The following GABRR1 variants were observed in gnomAD, a reference collection of about 807,000 sequenced individuals.
GABRR1 encodes the protein gamma-aminobutyric acid receptor subunit rho-1.
GABRR1 carries 59 observed loss-of-function variants against 55.5 expected under a neutral mutation model. The observed-to-expected ratio is 1.06, with a 90% confidence interval of 0.86 to 1.32. The LOEUF is 1.32. GABRR1 is among the 40% of genes most tolerant of loss of function. The pLI is 0.00. For synonymous variants in GABRR1, 213 were observed against 226.0 expected (o/e 0.94, Z 0.51); for missense variants, 602 against 619.1 (o/e 0.97, Z 0.29).
At chr6:89,190,937 T>C (rs568982853) in intron 5 of GABRR1, among the ~76,000 whole-genome samples, 1 of 152,342 alleles carries the variant, frequency 6.6e-6, no homozygotes, top group African/African-American at 2.4e-5. Flanking sequence ...TTCTTCATAG[T>C]GAAAAGCCTC....
intron 5 of GABRR1, among the ~76,000 whole-genome samples, chr6:89,196,847 G>T (rs897899870): frequency 8.2e-6 from 1 of 122,386 alleles, no homozygotes; most frequent in South Asian, 2.6e-4. Flanking sequence ...AAGAAAGAAA[G>T]AAAGAAAGAA....
intron 4 of GABRR1, 136 bp downstream of exon 4, chr6:89,199,226 A>G (rs571067962): frequency 4.0e-5 from 30 of 758,734 alleles, no homozygotes; most frequent in Middle Eastern, 3.6e-4. Flanking sequence ...TTCCTGAGCC[A>G]TCTGAAAAAG....
chr6:89,200,335 G>A (rs1420638900), intron 3 of GABRR1, among the ~76,000 whole-genome samples: 5 of 129,722 alleles, frequency 3.9e-5, no homozygotes, highest in African/African-American at 8.7e-5. Flanking sequence ...TGCAACCTCC[G>A]CCTCCTGGGG....
intron 5 of GABRR1, among the ~76,000 whole-genome samples, chr6:89,196,877 A>AAGAAAGAAAGAG (rs765264259): frequency 1.4e-5 from 2 of 144,686 alleles, no homozygotes; most frequent in African/African-American, 2.7e-5. Context: ...GAAAGAAAGA[A>AAGAAAGAAAGAG]AGAGAAGAGA....
At chr6:89,179,509 T>C (rs753032328) in intron 9 of GABRR1, among the ~76,000 whole-genome samples, 1 of 152,186 alleles carries the variant, frequency 6.6e-6, no homozygotes, top group African/African-American at 2.4e-5. Flanking sequence ...CGTGAGCCAC[T>C]GTGCCCAGCC....
intron 3 of GABRR1, among the ~76,000 whole-genome samples, chr6:89,200,558 G>A (rs760402345): frequency 6.7e-5 from 10 of 149,524 alleles, no homozygotes; most frequent in South Asian, 2.1e-4. Flanking sequence ...CACCATGCCC[G>A]GCCGAGAATG....
intron 5 of GABRR1, among the ~76,000 whole-genome samples, chr6:89,193,935 T>C (rs1772181075): frequency 6.6e-6 from 1 of 152,142 alleles, no homozygotes; most frequent in Non-Finnish European, 1.5e-5. Flanking sequence ...TGCCACCAAA[T>C]GCATGGAAAA....
chr6:89,185,021 A>G (rs1351023629), intron 7 of GABRR1, among the ~76,000 whole-genome samples: 1 of 151,334 alleles, frequency 6.6e-6, no homozygotes, highest in Non-Finnish European at 1.5e-5. Context: ...GATAGCTGGG[A>G]CTACAGGCGT....
intron 1 of GABRR1, among the ~76,000 whole-genome samples, chr6:89,216,064 T>C (rs895330895): frequency 2.6e-5 from 4 of 152,208 alleles, no homozygotes; most frequent in Non-Finnish European, 4.4e-5. Context: ...CTGACTCTGA[T>C]GGTAATAGGG....
At chr6:89,184,885 C>CTTTCTTTT (rs776768704) in intron 7 of GABRR1, among the ~76,000 whole-genome samples, 38 of 123,712 alleles carry the variant, frequency 3.1e-4, no homozygotes, top group Non-Finnish European at 5.3e-4. Flanking sequence ...TCTTTTCTTT[C>CTTTCTTTT]TTTTTTTTTT....
chr6:89,180,634 T>C, intron 8 of GABRR1, 146 bp from the exon 9 acceptor site: 4 of 991,288 alleles, frequency 4.0e-6, no homozygotes, highest in Non-Finnish European at 5.9e-6. Context: ...CACCTACACA[T>C]CTTTCAAGAT....
chr6:89,213,984 A>G (rs73493535), intron 1 of GABRR1, among the ~76,000 whole-genome samples: 72,824 of 122,564 alleles, frequency 0.59, 19,323 homozygotes, highest in Non-Finnish European at 0.63. Context: ...CATTAGTTCT[A>G]ACAGTTTTCT....
At chr6:89,205,552 C>T (rs1015903822) in intron 1 of GABRR1, 27 of 152,212 alleles carry the variant, frequency 1.8e-4, no homozygotes, top group African/African-American at 6.5e-4. Context: ...ACCTACAAGA[C>T]TTCTTCTTGA....
intron 6 of GABRR1, among the ~76,000 whole-genome samples, chr6:89,188,782 AT>A (rs1435697382): frequency 1.3e-5 from 2 of 151,844 alleles, no homozygotes; most frequent in African/African-American, 4.8e-5. Context: ...CAATTTGCGT[AT>A]TTTTTTCTTT....
intron 1 of GABRR1, among the ~76,000 whole-genome samples, chr6:89,206,865 G>A (rs764030946): frequency 1.7e-4 from 26 of 152,108 alleles, no homozygotes; most frequent in African/African-American, 3.9e-4. Context: ...GGATCCTCCC[G>A]CTTCAAACTC....
chr6:89,217,486 A>C (rs1773025578), upstream of GABRR1: 2 of 686,886 alleles, frequency 2.9e-6, no homozygotes, highest in Non-Finnish European at 4.7e-6. Context: ...GGAGAAAGCA[A>C]TTTCCACTAA....
intron 4 of GABRR1, among the ~76,000 whole-genome samples, chr6:89,198,489 T>C (rs1772371268): frequency 6.6e-6 from 1 of 151,964 alleles, no homozygotes; most frequent in African/African-American, 2.4e-5. Context: ...CTGGCCCTGC[T>C]TCAAGCCCCT....
At chr6:89,185,502 G>A (rs753100474) in intron 6 of GABRR1, 52 bp from the exon 7 acceptor site, 2 of 1,525,974 alleles carry the variant, frequency 1.3e-6, no homozygotes, top group Admixed American at 3.3e-5. Flanking sequence ...AGACAGGATG[G>A]TCTGTGGGGC....
At chr6:89,205,146 C>T (rs1011975364) in intron 1 of GABRR1, among the ~76,000 whole-genome samples, 2 of 152,140 alleles carry the variant, frequency 1.3e-5, no homozygotes, top group Non-Finnish European at 2.9e-5. Context: ...TCGTCATTAT[C>T]CCCATTTTAT....
Sources: allele counts gnomAD v4.1 joint callset (sites outside exome capture counted in the v4.1 genomes callset), GRCh38; gene constraint gnomAD v4.1.1; transcripts MANE v1.5; gene names NCBI Gene and HGNC (gene_info 2026-07-23, HGNC 2026-07-21).